IPO5: variants seen among roughly 807,000 people sequenced by gnomAD.
The protein encoded by IPO5 is importin-5.
IPO5 carries 18 observed loss-of-function variants against 143.3 expected under a neutral mutation model. The observed-to-expected ratio is 0.13, with a 90% CI of 0.09 to 0.19. The LOEUF (loss-of-function observed/expected upper bound fraction) is 0.19, where lower values mean the gene tolerates loss of function less well. Ranked by LOEUF, IPO5 falls within the 10% of genes least tolerant of loss-of-function variation. The pLI is 1.00. For synonymous variants in IPO5, 477 were observed against 465.7 expected, an observed-to-expected ratio of 1.02 and a Z score of -0.31; for missense variants, 1,013 against 1,336.9, an observed-to-expected ratio of 0.76 and a Z score of 3.78.
chr13:98,021,850 C>T lies in IPO5; in HGVS notation c.*28C>T. 1 of 1,493,996 alleles carries T rather than the reference C, an allele frequency of 6.7e-7. No individual in the cohort carries two copies. Among genetic ancestry groups the T allele is most frequent in the Non-Finnish European group, 9.3e-7 (1 of 1,080,594 alleles). The allele number at this position is 1,493,996 out of a possible 1,614,324, so 92.5% of individuals were successfully genotyped here. A position where few individuals can be genotyped will look rare whatever the true frequency, so the allele number is the denominator to read the frequency against. The stretch of plus-strand genomic sequence containing the variant: ...GGCCTTAATGTCACCCACCAGAAAA[C>T]TAACTCCAAATAAACGCTTACCCTT... On this transcript the variant is annotated 3_prime_UTR_variant, in exon 29 of 29. Transcript: ENST00000651721.
intron 20 of IPO5, among the ~76,000 whole-genome samples, chr13:98,011,366 C>T (rs1200410334): frequency 6.6e-6 from 1 of 152,194 alleles, no homozygotes; most frequent in African/African-American, 2.4e-5. Flanking sequence ...TCTCAGCTCA[C>T]TGCAGCCTCC....
At chr13:97,989,007 A>G (rs2139682513) in intron 6 of IPO5, 55 bp from the exon 7 acceptor site, 1 of 910,666 alleles carries the variant, frequency 1.1e-6, no homozygotes, top group East Asian at 2.4e-5. Context: ...ATTTACTCCT[A>G]GTATATTGAA....
At chr13:97,960,875 A>G (rs1165244510) in intron 2 of IPO5, among the ~76,000 whole-genome samples, 1 of 152,128 alleles carries the variant, frequency 6.6e-6, no homozygotes, top group Non-Finnish European at 1.5e-5. Flanking sequence ...TCAACCTTCT[A>G]AAGTGTACAA....
At chr13:97,969,990 C>T (rs1409793062) in intron 3 of IPO5, 160 bp downstream of exon 3, 2 of 603,756 alleles carry the variant, frequency 3.3e-6, no homozygotes, top group African/African-American at 1.9e-5. Flanking sequence ...TGAGCCATCA[C>T]ACCCAGCCAA....
Position 98,015,728 on chromosome 13 carries a change from A to G in IPO5, c.2440A>G (p.Lys814Glu). ...ACATTTATTTGGGTGTGTTTTAGTT[A>G]AAAGACAAGATGAAGACTATGATGA... is the stretch of plus-strand genomic sequence containing the variant. The part of the protein sequence containing the change: ...HFKNQELRQV[K>E]RQDEDYDEQV... The change falls in exon 24 of 29, where the codon AAA becomes GAA. Residue 814 changes from lysine to glutamate, a missense_variant and splice_region_variant. Coordinates refer to ENST00000651721, the MANE Select transcript of IPO5 (RefSeq NM_002271.6). The G allele has an allele frequency of 1.2e-6, 2 of 1,610,226 alleles. No homozygotes were observed. The highest frequency in any genetic ancestry group is 2.2e-5 in the South Asian group (2 of 90,762).
At chr13:97,997,890 A>G (rs1440350888) in intron 12 of IPO5, among the ~76,000 whole-genome samples, 1 of 152,244 alleles carries the variant, frequency 6.6e-6, no homozygotes, top group Non-Finnish European at 1.5e-5. Flanking sequence ...TATAATCAGG[A>G]ACTGAAAGAT....
intron 2 of IPO5, among the ~76,000 whole-genome samples, chr13:97,966,902 G>A (rs967528463): frequency 1.3e-5 from 2 of 152,138 alleles, no homozygotes; most frequent in African/African-American, 4.8e-5. Flanking sequence ...CGGGTGTGGT[G>A]GTGTGTGCCT....
intron 4 of IPO5, among the ~76,000 whole-genome samples, chr13:97,977,836 G>C (rs1172297872): frequency 1.3e-5 from 2 of 152,292 alleles, no homozygotes; most frequent in East Asian, 3.9e-4. Context: ...TGCGATTGTA[G>C]AGTTTCATAA....
intron 9 of IPO5, among the ~76,000 whole-genome samples, chr13:97,992,301 A>G (rs1640906627): frequency 6.6e-6 from 1 of 152,252 alleles, no homozygotes; most frequent in Admixed American, 6.5e-5. Context: ...CTTTAATACC[A>G]CAGTGACCAG....
At chr13:98,018,959 C>T (rs1648608737) in intron 26 of IPO5, among the ~76,000 whole-genome samples, 1 of 147,386 alleles carries the variant, frequency 6.8e-6, no homozygotes, top group Non-Finnish European at 1.5e-5. Flanking sequence ...ATACAACAGC[C>T]TTAGAATAGG....
In IPO5 at chr13:98,000,654, T is replaced by C. The variant is rs1309844072; in HGVS notation, c.1108+9T>C. 1 of 1,588,240 alleles carries C rather than the reference T, an allele frequency of 6.3e-7. No individual in the cohort carries two copies. Among genetic ancestry groups the C allele is most frequent in the South Asian group, 1.1e-5 (1 of 90,538 alleles). ...GCAAATGCTTCAAAATCGTAAGCTGTGTCCTTCAAATGCTAGAAGAGTGAA... is the reference window on the plus strand; with the variant it reads ...GCAAATGCTTCAAAATCGTAAGCTGCGTCCTTCAAATGCTAGAAGAGTGAA... On this transcript the variant is annotated intron_variant, in intron 13 of 28. Coordinates refer to ENST00000651721, the MANE Select transcript of IPO5 (RefSeq NM_002271.6).
At chr13:98,003,570 C>G (rs1445271480) in intron 16 of IPO5, among the ~76,000 whole-genome samples, 1 of 152,076 alleles carries the variant, frequency 6.6e-6, no homozygotes, top group African/African-American at 2.4e-5. Context: ...GATGAAAGGG[C>G]CCGGCACGGT....
chr13:97,983,962 C>CTTTTTTT (rs1566490076), intron 5 of IPO5, among the ~76,000 whole-genome samples: 1 of 74,630 alleles, frequency 1.3e-5, no homozygotes, highest in African/African-American at 4.5e-5. Flanking sequence ...TATAGGGTAA[C>CTTTTTTT]TTCTTTTTTT....
intron 3 of IPO5, 51 bp from the exon 4 acceptor site, chr13:97,976,642 A>C (rs751597657): frequency 3.7e-3 from 2,171 of 583,392 alleles, no homozygotes; most frequent in Non-Finnish European, 4.9e-3. Flanking sequence ...GCGGCCCGCG[A>C]GCGCGCCTCA....
intron 12 of IPO5, among the ~76,000 whole-genome samples, chr13:97,999,643 A>G (rs1364995011): frequency 6.6e-6 from 1 of 152,214 alleles, no homozygotes; most frequent in Non-Finnish European, 1.5e-5. Context: ...GAAATACACT[A>G]CTGATCCTCC....
chr13:97,985,671 T>TC, intron 6 of IPO5, 58 bp downstream of exon 6: 1 of 1,174,672 alleles, frequency 8.5e-7, no homozygotes, highest in East Asian at 2.3e-5. Flanking sequence ...TCCTTTTTTT[T>TC]TTTTTTAATG....
rs1566573537 is a variant in IPO5, at chr13:98,018,489, C to T, written c.2621C>T (p.Pro874Leu). The change falls in exon 26 of 29, where the codon CCA becomes CTA. Residue 874 changes from proline to leucine, a missense_variant. Coordinates refer to ENST00000651721, the MANE Select transcript of IPO5 (RefSeq NM_002271.6). ...LLPLIVNLICPHRPWPDRQWG... is the reference protein window; with the variant it reads ...LLPLIVNLICLHRPWPDRQWG... ...AAAAGAGAATTTCTTTTGTAGTGTCCACATAGACCATGGCCAGACAGACAA... is the reference window on the plus strand; with the variant it reads ...AAAAGAGAATTTCTTTTGTAGTGTCTACATAGACCATGGCCAGACAGACAA... 6.2e-7 allele frequency: 1 copy of T among 1,611,176 alleles called. No individual in the cohort carries two copies. The highest frequency in any genetic ancestry group is 1.3e-5 in the African/African-American group (1 of 74,928).
chr13:97,989,269 AAT>A (rs1887625553), intron 7 of IPO5, 105 bp downstream of exon 7: 1 of 579,470 alleles, frequency 1.7e-6, no homozygotes, highest in African/African-American at 2.0e-5. Flanking sequence ...TTAAAATGAT[AAT>A]AATGCCTTTA....
chr13:97,989,342 C>T (rs1323051574), intron 7 of IPO5, among the ~76,000 whole-genome samples, 178 bp downstream of exon 7: 1 of 152,062 alleles, frequency 6.6e-6, no homozygotes, highest in Non-Finnish European at 1.5e-5. Flanking sequence ...TTTTATTTCA[C>T]ATTATGATCT....
Sources: allele counts gnomAD v4.1 joint callset (sites outside exome capture counted in the v4.1 genomes callset), GRCh38; gene constraint gnomAD v4.1.1; transcripts MANE v1.5; gene names NCBI Gene and HGNC (gene_info 2026-07-23, HGNC 2026-07-21).